B3GALT1: variants seen among roughly 807,000 people sequenced by gnomAD.
B3GALT1 encodes UDP-Gal:betaGlcNAc beta 1,3-galactosyltransferase, polypeptide 1.
Under a neutral mutation model 23.2 loss-of-function variants are expected in B3GALT1, and 10 were observed. That is an observed-to-expected ratio of 0.43 (90% CI 0.27 to 0.73). B3GALT1 has a LOEUF of 0.73. Among genes scored for constraint, B3GALT1 ranks in the 30% least tolerant of loss-of-function variants. The pLI, the probability that B3GALT1 is intolerant of heterozygous loss-of-function variation, is 0.21. For synonymous variants in B3GALT1, 156 were observed against 141.5 expected, an observed-to-expected ratio of 1.10 and a Z score of -0.73; for missense variants, 299 against 405.4, an observed-to-expected ratio of 0.74 and a Z score of 2.25.
intron 2 of B3GALT1, among the ~76,000 whole-genome samples, chr2:167,646,383 G>T (rs577496744): frequency 6.6e-6 from 1 of 152,172 alleles, no homozygotes; most frequent in Non-Finnish European, 1.5e-5. Flanking sequence ...CTTTCCTTGC[G>T]TGAAGGGAGC....
intron 2 of B3GALT1, among the ~76,000 whole-genome samples, chr2:167,584,520 T>A (rs1684552713): frequency 6.6e-6 from 1 of 152,160 alleles, no homozygotes; most frequent in Non-Finnish European, 1.5e-5. Context: ...ACCAGCTGGG[T>A]GTTCTCTAGT....
At chr2:167,849,516 T>C (rs1326498267) in intron 4 of B3GALT1, among the ~76,000 whole-genome samples, 2 of 152,132 alleles carry the variant, frequency 1.3e-5, no homozygotes, top group Non-Finnish European at 2.9e-5. Context: ...GCTGGGATAA[T>C]TGGCAAGCCA....
intron 2 of B3GALT1, among the ~76,000 whole-genome samples, chr2:167,565,628 C>T (rs1211084501): frequency 6.6e-6 from 1 of 152,106 alleles, no homozygotes; most frequent in Non-Finnish European, 1.5e-5. Context: ...GGCTAATATC[C>T]AGAATCTACA....
intron 3 of B3GALT1, among the ~76,000 whole-genome samples, chr2:167,779,668 A>G (rs997733733): frequency 6.6e-6 from 1 of 152,184 alleles, no homozygotes. Flanking sequence ...GGTACTGGTC[A>G]TTTTATTTGT....
At chr2:167,303,160 G>A (rs1364118643) in intron 1 of B3GALT1, among the ~76,000 whole-genome samples, 1 of 152,156 alleles carries the variant, frequency 6.6e-6, no homozygotes, top group Non-Finnish European at 1.5e-5. Context: ...TGGTTCATGA[G>A]AATGTACAAT....
chr2:167,792,669 A>G (rs927229651), intron 3 of B3GALT1, among the ~76,000 whole-genome samples: 2 of 152,162 alleles, frequency 1.3e-5, no homozygotes, highest in Admixed American at 6.5e-5. Context: ...ACCATTTCTA[A>G]CAGTAAGACA....
At chr2:167,771,496 A>G (rs944614685) in intron 3 of B3GALT1, among the ~76,000 whole-genome samples, 6 of 152,192 alleles carry the variant, frequency 3.9e-5, no homozygotes, top group African/African-American at 1.4e-4. Flanking sequence ...GCTTGAACCC[A>G]GGAGGCAGAG....
chr2:167,393,297 A>T (rs1169919252), intron 1 of B3GALT1, among the ~76,000 whole-genome samples: 1 of 150,338 alleles, frequency 6.7e-6, no homozygotes, highest in Non-Finnish European at 1.5e-5. Context: ...TTAATTATAT[A>T]GTCACGCCTG....
At chr2:167,647,726 T>C (rs560335076) in intron 3 of B3GALT1, among the ~76,000 whole-genome samples, 122 of 152,292 alleles carry the variant, frequency 8.0e-4, no homozygotes, top group African/African-American at 2.8e-3. Context: ...TAGTTCTTTT[T>C]CCCAGTCACT....
At chr2:167,713,948 T>C (rs13412132) in intron 3 of B3GALT1, 215,922 of 1,565,124 alleles carry the variant, frequency 0.14, 15,802 homozygotes, top group Middle Eastern at 0.2. Flanking sequence ...GCCCCTTGTA[T>C]CCACTGGAAA....
intron 1 of B3GALT1, among the ~76,000 whole-genome samples, chr2:167,433,722 A>G (rs998623440): frequency 6.6e-6 from 1 of 152,250 alleles, no homozygotes; most frequent in Non-Finnish European, 1.5e-5. Context: ...AAAACAACAA[A>G]GAATTTCTGA....
chr2:167,309,415 A>T (rs549603455), intron 1 of B3GALT1, among the ~76,000 whole-genome samples: 2 of 152,188 alleles, frequency 1.3e-5, no homozygotes, highest in South Asian at 4.1e-4. Flanking sequence ...GAGTTTATGG[A>T]CCTTAAAATT....
intron 1 of B3GALT1, among the ~76,000 whole-genome samples, chr2:167,333,465 C>T (rs1697007750): frequency 1.3e-5 from 2 of 152,170 alleles, no homozygotes; most frequent in African/African-American, 4.8e-5. Context: ...TGCACAGAGG[C>T]AGGAGTTGAC....
At chr2:167,353,853 A>G (rs781265991) in intron 1 of B3GALT1, among the ~76,000 whole-genome samples, 2 of 152,052 alleles carry the variant, frequency 1.3e-5, no homozygotes, top group African/African-American at 4.8e-5. Context: ...AAGGAATTTA[A>G]TGTTGCTGTT....
rs1445937727 is a variant in B3GALT1, at chr2:167,871,224, A to G, written c.*1204A>G. 6.6e-6 allele frequency: 1 copy of G among 152,158 alleles called. No homozygotes were observed. The highest frequency in any genetic ancestry group is 6.5e-5 in the Admixed American group (1 of 15,270). The allele number at this position is 152,158 out of a possible 1,614,324, so 9.4% of individuals were successfully genotyped here. A position where few individuals can be genotyped will look rare whatever the true frequency, so the allele number is the denominator to read the frequency against. ...CGTAATCTTGTGCTTCAATGTGTTC[A>G]TTTATAAAAATGGCTGTAAAAAACA... On this transcript the variant is annotated 3_prime_UTR_variant, in exon 5 of 5. Coordinates refer to ENST00000392690, the MANE Select transcript of B3GALT1 (RefSeq NM_020981.4).
At chr2:167,311,939 A>T (rs73013908) in intron 1 of B3GALT1, among the ~76,000 whole-genome samples, 2,115 of 152,114 alleles carry the variant, frequency 0.014, 58 homozygotes, top group African/African-American at 0.048. Flanking sequence ...ATGCCTGAAA[A>T]TTTTCCAGAA....
At chr2:167,317,674 C>G (rs976540544) in intron 1 of B3GALT1, among the ~76,000 whole-genome samples, 2 of 152,116 alleles carry the variant, frequency 1.3e-5, no homozygotes, top group African/African-American at 4.8e-5. Flanking sequence ...GAATAACTTT[C>G]ATCACAGTAG....
chr2:167,359,604 G>A (rs1352779482), intron 1 of B3GALT1, among the ~76,000 whole-genome samples: 1 of 152,094 alleles, frequency 6.6e-6, no homozygotes, highest in Non-Finnish European at 1.5e-5. Flanking sequence ...TGTCAACAGG[G>A]CCTCCTCCTG....
intron 1 of B3GALT1, among the ~76,000 whole-genome samples, chr2:167,472,003 T>A (rs1182628396): frequency 6.6e-6 from 1 of 152,190 alleles, no homozygotes; most frequent in Non-Finnish European, 1.5e-5. Context: ...TACTCTGTAG[T>A]AAGGAACTTC....
Sources: gnomAD v4.1 joint callset for allele counts (sites outside exome capture counted in the v4.1 genomes callset) on GRCh38, gnomAD v4.1.1 for gene constraint, MANE v1.5 for transcripts, NCBI Gene and HGNC (gene_info 2026-07-23, HGNC 2026-07-21) for gene names.